Variants in LMNTD1 observed in about 807,000 individuals in gnomAD.
LMNTD1 encodes the protein lamin tail domain-containing protein 1.
LMNTD1 carries 35 observed loss-of-function variants against 50.9 expected under a neutral mutation model. That is an observed-to-expected ratio of 0.69 (90% confidence interval 0.53 to 0.91). LMNTD1 has a LOEUF of 0.91. Ranked by LOEUF, LMNTD1 falls within the 40% of genes least tolerant of loss-of-function variation. The pLI is 0.00. For missense variants in LMNTD1, 470 were observed against 475.5 expected, an observed-to-expected ratio of 0.99 and a Z score of 0.11; for synonymous variants, 153 against 161.9, an observed-to-expected ratio of 0.94 and a Z score of 0.42.
rs114216181 is a variant in LMNTD1 at position 25,513,053 on chromosome 12, T to C, written c.1189+5742A>G. On this transcript the variant is annotated intron_variant, in intron 8 of 9. Coordinates refer to ENST00000458174, the MANE Select transcript of LMNTD1 (RefSeq NM_001145728.2). ...CTAGAGGCCCTGTGCATTTGATCTG[T>C]ATTATACTGAATAAAATTCCTAACC... Among the ~76,000 whole-genome samples the C allele has an allele frequency of 3.7e-3, 556 of 152,298 alleles. 4 individuals carry two copies. The highest frequency in any genetic ancestry group is 0.013 in the African/African-American group (541 of 41,558).
intron 6 of LMNTD1, among the ~76,000 whole-genome samples, chr12:25,523,986 C>A (rs1335768861): frequency 6.6e-6 from 1 of 152,094 alleles, no homozygotes; most frequent in Non-Finnish European, 1.5e-5. Context: ...AGAAGTAGGG[C>A]AGTGTGGCTA....
intron 4 of LMNTD1, among the ~76,000 whole-genome samples, chr12:25,545,237 T>A (rs1304373139): frequency 6.6e-6 from 1 of 151,750 alleles, no homozygotes; most frequent in Non-Finnish European, 1.5e-5. Context: ...GATACACTAT[T>A]CTTGGATAGC....
rs561106539 is a variant in LMNTD1 at position 25,613,850 on chromosome 12, G to A, written c.58+34644C>T. On this transcript the variant is annotated intron_variant, in intron 1 of 7. Coordinates refer to the LMNTD1 transcript ENST00000445693. ...ATGAAAGAGATGGATGATGTGGGAGGAGGGTGTGGAGTCTAAAGGGGCTCC... is the reference window on the plus strand; with the variant it reads ...ATGAAAGAGATGGATGATGTGGGAGAAGGGTGTGGAGTCTAAAGGGGCTCC... Among the ~76,000 whole-genome samples the A allele has an allele frequency of 2.6e-5, 4 of 152,188 alleles. No homozygotes were observed. The East Asian group carries it at 7.8e-4, about 29-fold the overall frequency.
At chr12:25,530,538 T>C (rs866672499) in intron 4 of LMNTD1, among the ~76,000 whole-genome samples, 1 of 152,228 alleles carries the variant, frequency 6.6e-6, no homozygotes, top group Non-Finnish European at 1.5e-5. Context: ...TGCTGATTTG[T>C]AATGTCACCT....
chr12:25,601,170 G>A (rs369946360), intron 1 of LMNTD1, among the ~76,000 whole-genome samples: 2 of 151,954 alleles, frequency 1.3e-5, no homozygotes, highest in East Asian at 1.9e-4. Context: ...ACTGGAGATC[G>A]TTATGCTAAG....
intron 1 of LMNTD1, among the ~76,000 whole-genome samples, chr12:25,563,694 C>T (rs1944431765): frequency 6.6e-6 from 1 of 152,220 alleles, no homozygotes. Flanking sequence ...ATGTTTAAGT[C>T]TGCAGAAGTT....
chr12:25,532,212 CA>C (rs2136125098), intron 4 of LMNTD1, among the ~76,000 whole-genome samples: 1 of 152,128 alleles, frequency 6.6e-6, no homozygotes, highest in African/African-American at 2.4e-5. Context: ...GAAAAAACTG[CA>C]GAGATAATTT....
At chr12:25,509,012 T>C (rs774908014) in intron 8 of LMNTD1, among the ~76,000 whole-genome samples, 2 of 152,224 alleles carry the variant, frequency 1.3e-5, no homozygotes, top group Non-Finnish European at 2.9e-5. Flanking sequence ...ACCCAATTTC[T>C]TGGTGATATA....
At chr12:25,608,684 G>A (rs1946175795) in intron 1 of LMNTD1, among the ~76,000 whole-genome samples, 1 of 152,196 alleles carries the variant, frequency 6.6e-6, no homozygotes, top group Admixed American at 6.5e-5. Context: ...GGCTTGTAGG[G>A]GTTCTGCTGA....
At chr12:25,537,408 C>T (rs1361825934) in intron 4 of LMNTD1, among the ~76,000 whole-genome samples, 5 of 152,222 alleles carry the variant, frequency 3.3e-5, no homozygotes, top group African/African-American at 1.2e-4. Context: ...TAAGTGGGTC[C>T]CTGACCCCTG....
At chr12:25,485,142 T>A (rs1247593179) in intron 9 of LMNTD1, among the ~76,000 whole-genome samples, 40 of 147,096 alleles carry the variant, frequency 2.7e-4, no homozygotes, top group Admixed American at 6.1e-4. Context: ...GTGTTCCTGT[T>A]TCTCCACATC....
chr12:25,530,760 C>T (rs1364505696), intron 4 of LMNTD1, among the ~76,000 whole-genome samples: 1 of 152,076 alleles, frequency 6.6e-6, no homozygotes, highest in Non-Finnish European at 1.5e-5. Context: ...AAATAGCTGT[C>T]CAAAGATGTC....
At position 25,558,953 on chromosome 12, in the gene LMNTD1, G is replaced by A. The variant is rs1331076297; in HGVS notation, c.59-12399C>T. ...TTGTATAATTTCCAAAATTTCTCTT[G>A]TCATTGACTTACAGTTTTTTTTTTT... On this transcript the variant is annotated intron_variant, in intron 1 of 7. Transcript: ENST00000445693. Among the ~76,000 whole-genome samples the A allele has an allele frequency of 2.0e-5, 3 of 148,502 alleles. No individual in the cohort carries two copies. In the East Asian group the frequency reaches 6.2e-4, roughly 30 times the overall value.
chr12:25,476,875 A>T (rs756681930), intron 9 of LMNTD1, among the ~76,000 whole-genome samples: 2 of 152,208 alleles, frequency 1.3e-5, no homozygotes, highest in Non-Finnish European at 2.9e-5. Context: ...GGAATTATTT[A>T]CAGAAATAAT....
chr12:25,531,427 T>C (rs544495648), intron 4 of LMNTD1, among the ~76,000 whole-genome samples: 5 of 152,216 alleles, frequency 3.3e-5, no homozygotes, highest in Non-Finnish European at 7.3e-5. Flanking sequence ...AATGTTTTCA[T>C]TGGATATTTA....
chr12:25,585,293 G>A (rs1182716019), intron 1 of LMNTD1, among the ~76,000 whole-genome samples: 1 of 152,170 alleles, frequency 6.6e-6, no homozygotes, highest in Non-Finnish European at 1.5e-5. Context: ...GTTAAGACTT[G>A]TGAAATACTA....
At chr12:25,553,546 C>CT (rs200812611), upstream of LMNTD1, among the ~76,000 whole-genome samples, 3 of 151,936 alleles carry the variant, frequency 2.0e-5, no homozygotes, top group African/African-American at 7.3e-5. Context: ...CTCTTTTCTT[C>CT]TTTTTTTTCT....
chr12:25,498,951 T>C (rs1939227182), intron 9 of LMNTD1, among the ~76,000 whole-genome samples: 1 of 152,190 alleles, frequency 6.6e-6, no homozygotes, highest in African/African-American at 2.4e-5. Flanking sequence ...TCAGTTGTTA[T>C]AGCAATATGA....
intron 1 of LMNTD1, among the ~76,000 whole-genome samples, chr12:25,580,454 A>G (rs956773931): frequency 1.3e-5 from 2 of 152,202 alleles, no homozygotes; most frequent in Admixed American, 1.3e-4. Context: ...ATTATTTCAA[A>G]TCTATCTTTA....
Sources: gnomAD v4.1 joint callset for allele counts (sites outside exome capture counted in the v4.1 genomes callset) on GRCh38, gnomAD v4.1.1 for gene constraint, MANE v1.5 for transcripts, NCBI Gene and HGNC (gene_info 2026-07-23, HGNC 2026-07-21) for gene names.